KIAA1328: variants seen among roughly 807,000 people sequenced by gnomAD.
KIAA1328 encodes protein hinderin.
A neutral mutation model predicts 68.1 loss-of-function variants in KIAA1328; 52 were observed. The ratio of observed to expected loss-of-function variants is 0.76; its 90% CI spans 0.61 to 0.96. The LOEUF is 0.96. Among genes scored for constraint, KIAA1328 ranks in the 40% least tolerant of loss-of-function variants. The pLI, the probability that KIAA1328 is intolerant of heterozygous loss-of-function variation, is 0.00. For synonymous variants in KIAA1328, 232 were observed against 239.4 expected, an observed-to-expected ratio of 0.97 and a Z score of 0.28; for missense variants, 641 against 677.6, an observed-to-expected ratio of 0.95 and a Z score of 0.60.
intron 6 of KIAA1328, among the ~76,000 whole-genome samples, chr18:37,057,707 T>TTACAG (rs990235325): frequency 2.0e-5 from 3 of 152,084 alleles, no homozygotes; most frequent in African/African-American, 7.2e-5. Context: ...AGTGCTGGGA[T>TTACAG]TACAGGCATG....
At chr18:37,095,988 G>A (rs1477433198) in intron 7 of KIAA1328, among the ~76,000 whole-genome samples, 1 of 152,036 alleles carries the variant, frequency 6.6e-6, no homozygotes, top group East Asian at 1.9e-4. Context: ...GATTGAACCA[G>A]TAATAAAAAG....
chr18:37,103,090 A>C (rs1410629711), intron 7 of KIAA1328, among the ~76,000 whole-genome samples: 4 of 152,232 alleles, frequency 2.6e-5, no homozygotes, highest in African/African-American at 9.6e-5. Context: ...AATATTGTTA[A>C]AATGACTCCA....
At chr18:37,189,762 A>T (rs1057392165) in intron 9 of KIAA1328, among the ~76,000 whole-genome samples, 1 of 152,178 alleles carries the variant, frequency 6.6e-6, no homozygotes, top group Non-Finnish European at 1.5e-5. Context: ...CTGTTTGCTA[A>T]TGAGTTTTTA....
chr18:37,090,195 T>C (rs1425731793), intron 7 of KIAA1328, among the ~76,000 whole-genome samples: 1 of 152,254 alleles, frequency 6.6e-6, no homozygotes, highest in Admixed American at 6.5e-5. Flanking sequence ...TTATCTCATT[T>C]ATTTTAGTCC....
intron 6 of KIAA1328, among the ~76,000 whole-genome samples, chr18:37,015,813 G>T (rs1335415419): frequency 6.6e-6 from 1 of 152,116 alleles, no homozygotes; most frequent in Non-Finnish European, 1.5e-5. Context: ...AACATTGTTG[G>T]TGTATAGAAA....
intron 9 of KIAA1328, among the ~76,000 whole-genome samples, chr18:37,174,948 G>T (rs904698371): frequency 2.6e-5 from 4 of 152,150 alleles, no homozygotes; most frequent in Non-Finnish European, 4.4e-5. Context: ...TGGGATTACA[G>T]GTGTGAGCCA....
In KIAA1328 at chr18:36,844,821, C is replaced by G. The variant is rs966267636; in HGVS notation, c.332+519C>G. Among the ~76,000 whole-genome samples, 3 of 151,718 alleles carry G rather than the reference C, an allele frequency of 2.0e-5. No homozygotes were observed. The South Asian group carries it at 6.2e-4, about 32-fold the overall frequency. On this transcript the variant is annotated intron_variant, in intron 4 of 9. Coordinates refer to ENST00000280020, the MANE Select transcript of KIAA1328 (RefSeq NM_020776.3). ...CTCATCTACTTTGTATGTGTAATTT[C>G]TTTGTCAAATATACATGCCCAGTTT...
At chr18:37,027,866 A>G (rs1166051322) in intron 6 of KIAA1328, among the ~76,000 whole-genome samples, 1 of 152,174 alleles carries the variant, frequency 6.6e-6, no homozygotes, top group African/African-American at 2.4e-5. Context: ...AAATTGACAA[A>G]TGGGATCTAA....
intron 5 of KIAA1328, among the ~76,000 whole-genome samples, chr18:36,892,876 GTTA>G (rs999438167): frequency 1.3e-5 from 2 of 152,044 alleles, no homozygotes; most frequent in Non-Finnish European, 2.9e-5. Flanking sequence ...AAAATATTTA[GTTA>G]TTAATGCTAA....
chr18:36,851,392 TAA>T (rs2047206666), intron 4 of KIAA1328, among the ~76,000 whole-genome samples: 1 of 152,170 alleles, frequency 6.6e-6, no homozygotes, highest in African/African-American at 2.4e-5. Flanking sequence ...CTGTTCATTC[TAA>T]GTGTTTGGTA....
intron 5 of KIAA1328, among the ~76,000 whole-genome samples, chr18:36,953,411 TAGATAGATAGAG>T (rs1423201378): frequency 3.6e-5 from 5 of 139,938 alleles, no homozygotes; most frequent in Non-Finnish European, 6.2e-5. Flanking sequence ...GATAGATAGA[TAGATAGATAGAG>T]ATAGATAGAT....
At chr18:36,831,223 T>TA (rs1438111131) in intron 1 of KIAA1328, among the ~76,000 whole-genome samples, 1 of 152,182 alleles carries the variant, frequency 6.6e-6, no homozygotes, top group Non-Finnish European at 1.5e-5. Flanking sequence ...CCTAAACATT[T>TA]AGAGAAATGT....
At chr18:36,985,828 A>G (rs2052897869) in intron 6 of KIAA1328, among the ~76,000 whole-genome samples, 1 of 152,226 alleles carries the variant, frequency 6.6e-6, no homozygotes, top group Admixed American at 6.5e-5. Context: ...CACCAGAAGG[A>G]CAATCCATAA....
Position 37,103,066 on chromosome 18 carries a change from T to C in KIAA1328, c.1232+35521T>C, listed in dbSNP as rs1471736891. On this transcript the variant is annotated intron_variant, in intron 7 of 9. Coordinates refer to ENST00000280020, the MANE Select transcript of KIAA1328 (RefSeq NM_020776.3). ...CAAATAAATGGGAAGATGTCCATGCTCACGGATTGGAAGAATATTGTTAAA... is the reference window on the plus strand; with the variant it reads ...CAAATAAATGGGAAGATGTCCATGCCCACGGATTGGAAGAATATTGTTAAA... Among the ~76,000 whole-genome samples the C allele has an allele frequency of 3.3e-5, 5 of 152,316 alleles. No individual in the cohort carries two copies. The East Asian group carries it at 9.6e-4, about 29-fold the overall frequency.
intron 8 of KIAA1328, among the ~76,000 whole-genome samples, chr18:37,165,500 G>C (rs1024529085): frequency 1.3e-5 from 2 of 151,126 alleles, no homozygotes; most frequent in Admixed American, 1.3e-4. Flanking sequence ...GTTCACTGCA[G>C]CCTCCACCTC....
At chr18:36,862,828 A>G (rs1438321922) in intron 4 of KIAA1328, among the ~76,000 whole-genome samples, 1 of 152,146 alleles carries the variant, frequency 6.6e-6, no homozygotes, top group Non-Finnish European at 1.5e-5. Flanking sequence ...AACATTTGTT[A>G]TAATTAATTT....
At chr18:36,941,083 C>T (rs2050693540) in intron 5 of KIAA1328, among the ~76,000 whole-genome samples, 2 of 152,098 alleles carry the variant, frequency 1.3e-5, no homozygotes, top group African/African-American at 4.8e-5. Flanking sequence ...GTTTACTCAC[C>T]TCAGGCTTCT....
At chr18:37,189,344 A>G (rs533192946) in intron 9 of KIAA1328, among the ~76,000 whole-genome samples, 13 of 152,300 alleles carry the variant, frequency 8.5e-5, no homozygotes, top group African/African-American at 2.9e-4. Context: ...ACATGGTGGG[A>G]AAAAAAGTCA....
intron 4 of KIAA1328, among the ~76,000 whole-genome samples, chr18:36,847,630 G>C (rs1038415092): frequency 6.6e-6 from 1 of 151,388 alleles, no homozygotes; most frequent in African/African-American, 2.4e-5. Flanking sequence ...AGGTATTAGA[G>C]TTCTTTATAT....
Sources: allele counts gnomAD v4.1 joint callset (sites outside exome capture counted in the v4.1 genomes callset), GRCh38; gene constraint gnomAD v4.1.1; transcripts MANE v1.5; gene names NCBI Gene and HGNC (gene_info 2026-07-23, HGNC 2026-07-21).